FSTL5: variants seen among roughly 807,000 people sequenced by gnomAD.
The protein encoded by FSTL5 is follistatin like 5.
In FSTL5, 62 loss-of-function variants were observed where a neutral mutation model predicts 89.1. That is an observed-to-expected ratio of 0.70 (90% CI 0.57 to 0.86). The LOEUF (loss-of-function observed/expected upper bound fraction) is 0.86. FSTL5 is among the 40% of genes least tolerant of loss of function. The pLI is 0.00. For synonymous variants in FSTL5, 383 were observed against 346.2 expected, an observed-to-expected ratio of 1.11 and a Z score of -1.18; for missense variants, 1,057 against 1,001.6, an observed-to-expected ratio of 1.06 and a Z score of -0.75.
At chr4:161,751,002 A>C (rs927216799) in intron 6 of FSTL5, among the ~76,000 whole-genome samples, 3 of 152,108 alleles carry the variant, frequency 2.0e-5, no homozygotes, top group Non-Finnish European at 4.4e-5. Context: ...TAAATGTTTC[A>C]CTTGAACTGT....
At chr4:161,726,279 T>A (rs1579050594) in intron 6 of FSTL5, among the ~76,000 whole-genome samples, 1 of 136,032 alleles carries the variant, frequency 7.4e-6, no homozygotes, top group South Asian at 2.3e-4. Flanking sequence ...CAGGCTGGAG[T>A]GCAGTGGCAA....
At chr4:162,087,766 T>C (rs1338524344) in intron 2 of FSTL5, among the ~76,000 whole-genome samples, 2 of 152,158 alleles carry the variant, frequency 1.3e-5, no homozygotes, top group Non-Finnish European at 2.9e-5. Flanking sequence ...AAAATATCAT[T>C]GCACAGTTCA....
At chr4:161,538,099 TA>T in intron 10 of FSTL5, 66 bp downstream of exon 10, 5 of 1,525,024 alleles carry the variant, frequency 3.3e-6, no homozygotes, top group Non-Finnish European at 4.5e-6. Flanking sequence ...CTTTACTTTT[TA>T]AAAAAAGCTG....
At chr4:161,680,450 TGTTTAATAAAGGG>T (rs1277146735) in intron 6 of FSTL5, among the ~76,000 whole-genome samples, 6 of 152,102 alleles carry the variant, frequency 3.9e-5, no homozygotes, top group African/African-American at 1.4e-4. Context: ...TTATTTAATA[TGTTTAATAAAGGG>T]TTATCCCAAA....
chr4:161,740,209 G>A (rs969655423), intron 6 of FSTL5, among the ~76,000 whole-genome samples: 4 of 151,748 alleles, frequency 2.6e-5, no homozygotes, highest in African/African-American at 7.3e-5. Flanking sequence ...TAGTAGAGAC[G>A]GGGTTTCACC....
rs147777612 is a variant in FSTL5 at position 161,962,671 on chromosome 4, T to A, written c.161-42019A>T. On this transcript the variant is annotated intron_variant, in intron 3 of 15. Coordinates refer to ENST00000306100, the MANE Select transcript of FSTL5 (RefSeq NM_020116.5). ...GATCTGTCATTTAATTTTCATAAGT[T>A]GATGCCCTGTCTTTTAAGTTCCTTT... Among the ~76,000 whole-genome samples, 1,315 of 152,024 alleles carry A rather than the reference T, an allele frequency of 8.6e-3. 28 individuals carry two copies. Among genetic ancestry groups the A allele is most frequent in the African/African-American group, 0.03 (1,239 of 41,504 alleles).
At chr4:161,775,832 G>T in intron 5 of FSTL5, 46 bp downstream of exon 5, 3 of 929,590 alleles carry the variant, frequency 3.2e-6, no homozygotes, top group South Asian at 2.5e-5. Context: ...AATATATTGT[G>T]CATGCTATAT....
intron 6 of FSTL5, among the ~76,000 whole-genome samples, chr4:161,724,080 C>T (rs180712879): frequency 7.2e-5 from 11 of 151,902 alleles, no homozygotes; most frequent in African/African-American, 1.7e-4. Context: ...AAAGCTAAAT[C>T]GTATTAGTAG....
intron 3 of FSTL5, among the ~76,000 whole-genome samples, chr4:161,970,118 T>A (rs1735440944): frequency 6.6e-6 from 1 of 152,048 alleles, no homozygotes; most frequent in African/African-American, 2.4e-5. Flanking sequence ...TACAATAATG[T>A]AGAAGGTGTC....
At chr4:161,735,772 T>C (rs927588821) in intron 6 of FSTL5, among the ~76,000 whole-genome samples, 2 of 152,178 alleles carry the variant, frequency 1.3e-5, no homozygotes, top group Admixed American at 6.5e-5. Context: ...TGCTTACCTT[T>C]AACCAAATGT....
intron 6 of FSTL5, among the ~76,000 whole-genome samples, chr4:161,728,676 T>C (rs1426873630): frequency 1.3e-5 from 2 of 152,110 alleles, no homozygotes; most frequent in African/African-American, 2.4e-5. Flanking sequence ...GCAAAAGTTA[T>C]TTCCTAGGAA....
intron 1 of FSTL5, among the ~76,000 whole-genome samples, chr4:162,132,223 A>T (rs568776858): frequency 7.9e-5 from 12 of 152,330 alleles, no homozygotes; most frequent in African/African-American, 2.9e-4. Context: ...CAGAATTGTT[A>T]TCTATATAAG....
At chr4:161,623,111 A>T (rs1735201371) in intron 7 of FSTL5, among the ~76,000 whole-genome samples, 1 of 152,116 alleles carries the variant, frequency 6.6e-6, no homozygotes, top group Non-Finnish European at 1.5e-5. Flanking sequence ...ACTCGGAATA[A>T]AATAAACATC....
At chr4:161,594,632 T>C (rs2126615656) in intron 7 of FSTL5, among the ~76,000 whole-genome samples, 1 of 152,178 alleles carries the variant, frequency 6.6e-6, no homozygotes, top group South Asian at 2.1e-4. Flanking sequence ...CATGTTTTTC[T>C]CTTTCCTCTA....
intron 3 of FSTL5, among the ~76,000 whole-genome samples, chr4:161,973,200 G>A (rs1264826194): frequency 1.3e-5 from 2 of 151,956 alleles, no homozygotes; most frequent in African/African-American, 4.8e-5. Context: ...CGTAGTGAAA[G>A]GTATAGCATG....
intron 3 of FSTL5, among the ~76,000 whole-genome samples, chr4:161,949,724 C>A (rs899239924): frequency 6.7e-5 from 10 of 149,854 alleles, no homozygotes; most frequent in African/African-American, 1.7e-4. Flanking sequence ...TTCAGGGATT[C>A]TTTTCTCTCT....
intron 4 of FSTL5, among the ~76,000 whole-genome samples, chr4:161,875,229 T>C (rs1374184324): frequency 1.3e-5 from 2 of 152,180 alleles, no homozygotes; most frequent in East Asian, 3.9e-4. Flanking sequence ...ACTCTAACTT[T>C]CCACGCCTAA....
intron 4 of FSTL5, among the ~76,000 whole-genome samples, chr4:161,892,653 A>G (rs999886650): frequency 6.6e-5 from 10 of 152,084 alleles, no homozygotes; most frequent in Non-Finnish European, 7.4e-5. Flanking sequence ...AAAATTCAGT[A>G]ATTTCCACAT....
intron 6 of FSTL5, among the ~76,000 whole-genome samples, chr4:161,671,696 A>G (rs557025428): frequency 6.6e-6 from 1 of 152,112 alleles, no homozygotes; most frequent in Non-Finnish European, 1.5e-5. Context: ...TAAAAAAAAA[A>G]TCTTTGAGCC....
Sources: gnomAD v4.1 joint callset for allele counts (sites outside exome capture counted in the v4.1 genomes callset) on GRCh38, gnomAD v4.1.1 for gene constraint, MANE v1.5 for transcripts, NCBI Gene and HGNC (gene_info 2026-07-23, HGNC 2026-07-21) for gene names.